Variants in WNT16 observed in about 807,000 individuals in gnomAD.
WNT16 encodes protein Wnt-16.
WNT16 carries 20 observed loss-of-function variants against 35.4 expected under a neutral mutation model. The ratio of observed to expected loss-of-function variants is 0.56; its 90% CI spans 0.40 to 0.82. The LOEUF (loss-of-function observed/expected upper bound fraction) is 0.82, where lower values mean the gene tolerates loss of function less well. Among genes scored for constraint, WNT16 ranks in the 40% least tolerant of loss-of-function variants. The pLI is 0.00. For synonymous variants in WNT16, 180 were observed against 179.2 expected, an observed-to-expected ratio of 1.00 and a Z score of -0.03; for missense variants, 461 against 466.0, an observed-to-expected ratio of 0.99 and a Z score of 0.10.
Position 121,329,752 on chromosome 7 carries a change from TCACCGCCGCCGC to T in WNT16, c.285_296del (p.Ala96_Thr99del). ...AGACACGAGAGATGGAACTGCATGA[TCACCGCCGCCGC>T]CACTACCGCCCCGATGGGCGCCAGC... On this transcript the variant is annotated inframe_deletion, in exon 2 of 4. Coordinates refer to ENST00000222462, the MANE Select transcript of WNT16 (RefSeq NM_057168.2). The T allele has an allele frequency of 6.2e-7, 1 of 1,608,862 alleles. No individual in the cohort carries two copies. Among genetic ancestry groups the T allele is most frequent in the Non-Finnish European group, 8.5e-7 (1 of 1,179,786 alleles).
chr7:121,331,117 T>C (rs1793339085), intron 2 of WNT16, among the ~76,000 whole-genome samples: 1 of 152,234 alleles, frequency 6.6e-6, no homozygotes, highest in Admixed American at 6.5e-5. Context: ...GTGAGACTAA[T>C]CTTTAATGTG....
chr7:121,331,450 C>T (rs1198158222), intron 2 of WNT16, among the ~76,000 whole-genome samples: 1 of 152,072 alleles, frequency 6.6e-6, no homozygotes, highest in African/African-American at 2.4e-5. Flanking sequence ...CAATGTATGA[C>T]CATACAGTAT....
At chr7:121,334,235 G>A (rs1396208361) in intron 3 of WNT16, among the ~76,000 whole-genome samples, 1 of 151,568 alleles carries the variant, frequency 6.6e-6, no homozygotes, top group Non-Finnish European at 1.5e-5. Context: ...TTCATTTTTG[G>A]TTCACATTGT....
Position 121,329,801 on chromosome 7 carries a change from C to G in WNT16, c.330C>G (p.Gly110=). 1 of 1,604,202 alleles carries G rather than the reference C, an allele frequency of 6.2e-7. No homozygotes were observed. The highest frequency in any genetic ancestry group is 8.5e-7 in the Non-Finnish European group (1 of 1,179,984). ...TAPMGASPLF[G]YELSSGTKET... ...CGATGGGCGCCAGCCCCCTCTTTGGCTACGAGCTGAGCAGCGGTGAGTCCT... is the reference window on the plus strand; with the variant it reads ...CGATGGGCGCCAGCCCCCTCTTTGGGTACGAGCTGAGCAGCGGTGAGTCCT... The change falls in exon 2 of 4, where the codon GGC becomes GGG. Residue 110 remains glycine, a synonymous_variant. Coordinates refer to ENST00000222462, the MANE Select transcript of WNT16 (RefSeq NM_057168.2).
upstream of WNT16, among the ~76,000 whole-genome samples, chr7:121,327,525 T>C (rs1353033113): frequency 6.6e-6 from 1 of 151,966 alleles, no homozygotes; most frequent in Non-Finnish European, 1.5e-5. Context: ...TAATTTTGTA[T>C]TTTTAGCAGG....
chr7:121,332,173 A>C (rs907180433), intron 3 of WNT16, among the ~76,000 whole-genome samples: 8 of 152,220 alleles, frequency 5.3e-5, no homozygotes, highest in African/African-American at 9.6e-5. Context: ...ATCCATGGTA[A>C]GCAATTGAAA....
chr7:121,329,465 C>T (rs756847955), intron 1 of WNT16, 78 bp downstream of exon 1: 35 of 1,589,644 alleles, frequency 2.2e-5, no homozygotes, highest in Non-Finnish European at 2.7e-5. Flanking sequence ...TCAACTGAGG[C>T]TGGGGGAGAA....
At position 121,339,210 on chromosome 7, in the gene WNT16, C is replaced by T. The variant is rs1263350808; in HGVS notation, c.963C>T (p.Asn321=). 3 of 1,614,076 alleles carry T rather than the reference C, an allele frequency of 1.9e-6. No homozygotes were observed. The highest frequency in any genetic ancestry group is 2.5e-6 in the Non-Finnish European group (3 of 1,180,028). Residue 321 remains asparagine, a synonymous_variant, in exon 4 of 4, where the codon AAC becomes AAT. Coordinates refer to ENST00000222462, the MANE Select transcript of WNT16 (RefSeq NM_057168.2). ...NRTSEGADGC[N]LLCCGRGYNT... ...CATCAGAGGGTGCAGATGGCTGCAA[C>T]CTCCTCTGCTGTGGCCGAGGTTACA...
chr7:121,336,387 A>G (rs1793446829), intron 3 of WNT16, among the ~76,000 whole-genome samples: 1 of 152,096 alleles, frequency 6.6e-6, no homozygotes, highest in Admixed American at 6.6e-5. Flanking sequence ...TTAAATTGTC[A>G]TCACTGAAAA....
upstream of WNT16, chr7:121,328,966 G>A: frequency 9.7e-7 from 1 of 1,034,016 alleles, no homozygotes; most frequent in Non-Finnish European, 1.2e-6. Flanking sequence ...GAGATGGGAG[G>A]AGAGGCCGGG....
Position 121,338,961 on chromosome 7 carries a change from CA to C in WNT16, c.715del (p.Met239CysfsTer11), listed in dbSNP as rs759054502. ...SCAVKTCWKT[M>X]SSFEKIGHLL... is the part of the protein sequence containing the mutation. ...GTGCTGTGAAAACATGCTGGAAAAC[CA>C]TGTCTTCTTTTGAAAAGATTGGCCA... is the stretch of plus-strand genomic sequence containing the variant. On this transcript the variant is annotated frameshift_variant, in exon 4 of 4. Coordinates refer to ENST00000222462, the MANE Select transcript of WNT16 (RefSeq NM_057168.2). LOFTEE classifies it high-confidence loss of function. 1.2e-6 allele frequency: 2 copies of C among 1,614,000 alleles called. No individual in the cohort carries two copies. The highest frequency in any genetic ancestry group is 2.7e-5 in the African/African-American group (2 of 74,916).
rs767846396 is a variant in WNT16, at chr7:121,329,619, T to C, written c.148T>C (p.Leu50=). 6 of 1,614,184 alleles carry C rather than the reference T, an allele frequency of 3.7e-6. No individual in the cohort carries two copies. In the Admixed American group the frequency reaches 8.3e-5, roughly 22 times the overall value. The part of the protein sequence containing the change: ...GVPEKLGCAN[L]PLNSRQKELC... ...TCCAGAGAAGCTGGGCTGCGCCAAT[T>C]TGCCGCTGAACAGCCGCCAGAAGGA... is the stretch of plus-strand genomic sequence containing the variant. The change falls in exon 2 of 4, where the codon TTG becomes CTG. Residue 50 remains leucine (L), a synonymous_variant. Transcript: ENST00000222462.
In WNT16 at chr7:121,339,707, T is replaced by TA. The variant is rs965272533; in HGVS notation, c.*363dup. The TA allele has an allele frequency of 2.0e-5, 8 of 407,076 alleles. No homozygotes were observed. The highest frequency in any genetic ancestry group is 3.5e-5 in the Non-Finnish European group (8 of 228,866). The allele number at this position is 407,076 out of a possible 1,614,324, so 25.2% of individuals were successfully genotyped here. A position where few individuals can be genotyped will look rare whatever the true frequency, so the allele number is the denominator to read the frequency against. On this transcript the variant is annotated 3_prime_UTR_variant, in exon 4 of 4. Transcript: ENST00000222462. The stretch of plus-strand genomic sequence containing the variant: ...GGATAAGATCCTTGAATATGGAACT[T>TA]AGTTACAGGACTCAATAATGGTGGG...
At chr7:121,326,003 C>G (rs1000891167), upstream of WNT16, among the ~76,000 whole-genome samples, 1 of 127,780 alleles carries the variant, frequency 7.8e-6, no homozygotes, top group African/African-American at 3.0e-5. Context: ...AGAGCCACTA[C>G]ACTCCAACCT....
At chr7:121,327,059 C>T (rs556425245), upstream of WNT16, among the ~76,000 whole-genome samples, 15 of 152,290 alleles carry the variant, frequency 9.8e-5, 1 homozygote, top group Admixed American at 4.6e-4. Context: ...GCAATGAATC[C>T]GCCATTGTCC....
intron 3 of WNT16, among the ~76,000 whole-genome samples, chr7:121,333,656 G>A (rs1793388885): frequency 6.6e-6 from 1 of 151,850 alleles, no homozygotes; most frequent in South Asian, 2.1e-4. Context: ...AATGTAATTA[G>A]GATATGTTCT....
At chr7:121,332,999 T>C (rs1329418107) in intron 3 of WNT16, among the ~76,000 whole-genome samples, 1 of 152,052 alleles carries the variant, frequency 6.6e-6, no homozygotes, top group Non-Finnish European at 1.5e-5. Context: ...TAGTTGGCAA[T>C]TCATAGTGAC....
chr7:121,336,324 A>G lies in WNT16; in HGVS notation c.634-2557A>G, dbSNP rs3801386. On this transcript the variant is annotated intron_variant, in intron 3 of 3. Coordinates refer to ENST00000222462, the MANE Select transcript of WNT16 (RefSeq NM_057168.2). ...AAATAATATGTATCATATATAATAA[A>G]GATATTATTTCTTTTATTATGTTTA... Among the ~76,000 whole-genome samples, 6 of 152,144 alleles carry G rather than the reference A, an allele frequency of 3.9e-5. No individual in the cohort carries two copies. In the East Asian group the frequency reaches 1.2e-3, roughly 29 times the overall value.
chr7:121,331,142 C>T (rs1331740017), intron 2 of WNT16, among the ~76,000 whole-genome samples: 3 of 152,038 alleles, frequency 2.0e-5, no homozygotes, highest in African/African-American at 4.8e-5. Flanking sequence ...TATACGGTAC[C>T]GTTTACTAAT....
Sources: allele counts gnomAD v4.1 joint callset (sites outside exome capture counted in the v4.1 genomes callset), GRCh38; gene constraint gnomAD v4.1.1; transcripts MANE v1.5; gene names NCBI Gene and HGNC (gene_info 2026-07-23, HGNC 2026-07-21).